PKP2: variants seen among roughly 807,000 people sequenced by gnomAD.
PKP2 encodes the protein plakophilin-2.
Under a neutral mutation model 83.4 loss-of-function variants are expected in PKP2, and 73 were observed. The observed-to-expected ratio is 0.88, with a 90% CI of 0.72 to 1.06. PKP2 has a LOEUF of 1.06. PKP2 is among the 50% of genes least tolerant of loss of function. The pLI, the probability that PKP2 is intolerant of heterozygous loss-of-function variation, is 0.00. For missense variants in PKP2, 966 were observed against 1,065.4 expected (o/e 0.91, Z 1.30); for synonymous variants, 409 against 430.4 (o/e 0.95, Z 0.62).
chr12:32,865,506 C>A (rs962016299), intron 4 of PKP2, among the ~76,000 whole-genome samples: 1 of 151,100 alleles, frequency 6.6e-6, no homozygotes, highest in Non-Finnish European at 1.5e-5. Flanking sequence ...CATGATGAAA[C>A]CTCGACTCCA....
rs762949110 is a variant in PKP2 at position 32,877,903 on chromosome 12, G to C, written c.977C>G (p.Ala326Gly). 1 of 1,614,174 alleles carries C rather than the reference G, an allele frequency of 6.2e-7. No individual in the cohort carries two copies. The highest frequency in any genetic ancestry group is 1.1e-5 in the South Asian group (1 of 91,086). The change falls in exon 3 of 13, where the codon GCA becomes GGA. Residue 326 changes from alanine to glycine, a missense_variant. Physicochemically the swap from Ala to Gly is moderately conservative, Grantham distance 60 (BLOSUM62 0). Coordinates refer to ENST00000340811, the MANE Select transcript of PKP2 (RefSeq NM_001005242.3). Reference sequence around the variant, plus strand: ...AGTGAGCAGATTCCCACTTCCCCCTGCGGCCGCCTGGCCGACAGTCAAGTG... The same window carrying C: ...AGTGAGCAGATTCCCACTTCCCCCTCCGGCCGCCTGGCCGACAGTCAAGTG... ...RAHLTVGQAAAGGSGNLLTER... is the reference protein window; with the variant it reads ...RAHLTVGQAAGGGSGNLLTER...
chr12:32,802,540 G>C lies in PKP2; in HGVS notation c.2030C>G (p.Ala677Gly), dbSNP rs1359431679. The C allele has an allele frequency of 6.2e-7, 1 of 1,614,070 alleles. No individual in the cohort carries two copies. Among genetic ancestry groups the C allele is most frequent in the South Asian group, 1.1e-5 (1 of 91,090 alleles). Residue 677 changes from alanine to glycine, a missense_variant, in exon 10 of 13, where the codon GCT becomes GGT. By Grantham distance (60) the Ala-to-Gly change is moderately conservative. Coordinates refer to ENST00000340811, the MANE Select transcript of PKP2 (RefSeq NM_001005242.3). Reference sequence around the variant, plus strand: ...ACTTTCCTTCTGGACAACTGTCTGAGCCACTGATGTCGGCATCTGTTTTGT... The same window carrying C: ...ACTTTCCTTCTGGACAACTGTCTGACCCACTGATGTCGGCATCTGTTTTGT... ...AGSGPMPTSV[A>G]QTVVQKESGL...
intron 6 of PKP2, among the ~76,000 whole-genome samples, chr12:32,834,696 A>G (rs558249554): frequency 6.6e-6 from 1 of 152,244 alleles, no homozygotes; most frequent in African/African-American, 2.4e-5. Flanking sequence ...AAGAGAAGAA[A>G]GAAGACTGGG....
chr12:32,834,929 G>A (rs1592743616), intron 6 of PKP2, among the ~76,000 whole-genome samples: 2 of 136,596 alleles, frequency 1.5e-5, no homozygotes, highest in Middle Eastern at 8.6e-3. Flanking sequence ...ATGAGCCACA[G>A]TATAAATTCA....
intron 1 of PKP2, among the ~76,000 whole-genome samples, chr12:32,892,087 T>A (rs952399105): frequency 6.6e-6 from 1 of 152,042 alleles, no homozygotes; most frequent in Non-Finnish European, 1.5e-5. Flanking sequence ...GCCATGACCC[T>A]GCCACCCGCC....
At chr12:32,805,544 C>T (rs752905698) in intron 9 of PKP2, among the ~76,000 whole-genome samples, 11 of 152,264 alleles carry the variant, frequency 7.2e-5, no homozygotes, top group South Asian at 2.1e-4. Context: ...CTCCCAGCAC[C>T]GTTTATTAAA....
rs141585288 is a variant in PKP2, at chr12:32,809,402, C to T, written c.2014-6846G>A. Among the ~76,000 whole-genome samples the T allele has an allele frequency of 6.6e-5, 10 of 152,302 alleles. No homozygotes were observed. The East Asian group carries it at 1.9e-3, about 29-fold the overall frequency. ...AGGCTGGAATGTGCAGTTGACCAAA[C>T]CACAGAAATGGTAGCCACCCCTCCC... On this transcript the variant is annotated intron_variant, in intron 9 of 12. Coordinates refer to ENST00000340811, the MANE Select transcript of PKP2 (RefSeq NM_001005242.3).
chr12:32,792,351 T>C lies in PKP2; in HGVS notation c.*73A>G. ...AAACAAGGCATGCTTTTGAGGTTTCTTGGGCTGGGTAGTAGAAAAATAGGT... is the reference window on the plus strand; with the variant it reads ...AAACAAGGCATGCTTTTGAGGTTTCCTGGGCTGGGTAGTAGAAAAATAGGT... On this transcript the variant is annotated 3_prime_UTR_variant, in exon 13 of 13. Transcript: ENST00000340811. 9.2e-7 allele frequency: 1 copy of C among 1,081,084 alleles called. No individual in the cohort carries two copies. Among genetic ancestry groups the C allele is most frequent in the Non-Finnish European group, 1.4e-6 (1 of 694,092 alleles). The allele number at this position is 1,081,084 out of a possible 1,614,324, so 67.0% of individuals were successfully genotyped here.
At chr12:32,792,609 G>C (rs1159690509) in intron 12 of PKP2, 35 bp downstream of exon 12, 1 of 1,588,146 alleles carries the variant, frequency 6.3e-7, no homozygotes. Context: ...ACCTGGCTCT[G>C]TTAACTATGA....
chr12:32,840,453 A>G (rs888220007), intron 6 of PKP2, among the ~76,000 whole-genome samples: 2 of 151,950 alleles, frequency 1.3e-5, no homozygotes, highest in Non-Finnish European at 2.9e-5. Flanking sequence ...GCACACCACC[A>G]TGTCCAGCTA....
Position 32,896,629 on chromosome 12 carries a change from C to T in PKP2, c.103G>A (p.Glu35Lys), listed in dbSNP as rs754791731. 1.3e-6 allele frequency: 2 copies of T among 1,578,880 alleles called. No homozygotes were observed. The highest frequency in any genetic ancestry group is 1.7e-6 in the Non-Finnish European group (2 of 1,171,924). Residue 35 changes from glutamate to lysine, a missense_variant, in exon 1 of 13, where the codon GAG becomes AAG. By Grantham distance (56) the Glu-to-Lys change is moderately conservative. Transcript: ENST00000340811. ...CTCCCCGCCAGCTTCAGCTTGGCCTCGGAGGGCAGCGCCAGGCTGGAGCTG... is the reference window on the plus strand; with the variant it reads ...CTCCCCGCCAGCTTCAGCTTGGCCTTGGAGGGCAGCGCCAGGCTGGAGCTG... ...LDSSSLALPSEAKLKLAGSSG... is the reference protein window; with the variant it reads ...LDSSSLALPSKAKLKLAGSSG...
intron 7 of PKP2, among the ~76,000 whole-genome samples, chr12:32,823,370 T>C (rs1402488127): frequency 3.7e-5 from 5 of 136,450 alleles, no homozygotes; most frequent in Non-Finnish European, 7.5e-5. Context: ...TGAGCTGAGA[T>C]CGCACCACTG....
rs531608633 is a variant in PKP2, at chr12:32,843,057, G to A, written c.1379-1852C>T. 11 of 355,664 alleles carry A rather than the reference G, an allele frequency of 3.1e-5. No individual in the cohort carries two copies. In the East Asian group the frequency reaches 8.1e-4, roughly 26 times the overall value. The allele number at this position is 355,664 out of a possible 1,614,324, so 22.0% of individuals were successfully genotyped here. A position where few individuals can be genotyped will look rare whatever the true frequency, so the allele number is the denominator to read the frequency against. On this transcript the variant is annotated intron_variant, in intron 5 of 12. Coordinates refer to ENST00000340811, the MANE Select transcript of PKP2 (RefSeq NM_001005242.3). ...TGTAGTGGCACAATCTTGGCTCACT[G>A]CAACTTCTGCCTCCCGGGTTCAAGT...
intron 8 of PKP2, chr12:32,821,894 T>C (rs1037794088): frequency 1.7e-5 from 5 of 292,230 alleles, no homozygotes; most frequent in African/African-American, 6.6e-5. Context: ...CTCAGAGTCT[T>C]GTGAAAGTGT....
chr12:32,856,352 T>C (rs1339690319), intron 4 of PKP2, among the ~76,000 whole-genome samples: 4 of 152,200 alleles, frequency 2.6e-5, no homozygotes, highest in African/African-American at 9.7e-5. Flanking sequence ...GAGACAGGGA[T>C]GTTAATCTGG....
chr12:32,856,265 C>T (rs1461290923), intron 4 of PKP2, among the ~76,000 whole-genome samples: 1 of 152,042 alleles, frequency 6.6e-6, no homozygotes, highest in African/African-American at 2.4e-5. Flanking sequence ...TTTTATCCTG[C>T]AGGCAATGGG....
intron 10 of PKP2, among the ~76,000 whole-genome samples, chr12:32,800,685 C>A (rs1366026697): frequency 6.6e-6 from 1 of 152,168 alleles, no homozygotes; most frequent in East Asian, 1.9e-4. Context: ...TATTGCAGTA[C>A]TGCGCATGTG....
intron 9 of PKP2, among the ~76,000 whole-genome samples, chr12:32,809,456 A>G (rs1441080442): frequency 1.3e-5 from 2 of 152,096 alleles, no homozygotes; most frequent in East Asian, 3.9e-4. Context: ...TTTCAGGCAG[A>G]CTCACTGTGT....
intron 3 of PKP2, among the ~76,000 whole-genome samples, chr12:32,876,525 T>C (rs1456893183): frequency 6.6e-6 from 1 of 152,166 alleles, no homozygotes; most frequent in Non-Finnish European, 1.5e-5. Flanking sequence ...AATGACCTGA[T>C]ACACTTTCTC....
Sources: allele counts gnomAD v4.1 joint callset (sites outside exome capture counted in the v4.1 genomes callset), GRCh38; gene constraint gnomAD v4.1.1; transcripts MANE v1.5; gene names NCBI Gene and HGNC (gene_info 2026-07-23, HGNC 2026-07-21).